YLPM1: variants seen among roughly 807,000 people sequenced by gnomAD.
YLPM1 encodes the protein YLP motif-containing protein 1.
A neutral mutation model predicts 230.0 loss-of-function variants in YLPM1; 99 were observed. The observed-to-expected ratio is 0.43, with a 90% CI of 0.37 to 0.51. YLPM1 has a LOEUF of 0.51. Among genes scored for constraint, YLPM1 ranks in the 20% least tolerant of loss-of-function variants. The pLI, the probability that YLPM1 is intolerant of heterozygous loss-of-function variation, is 0.00. For missense variants in YLPM1, 2,592 were observed against 2,707.7 expected, an observed-to-expected ratio of 0.96 and a Z score of 0.95; for synonymous variants, 984 against 942.5, an observed-to-expected ratio of 1.04 and a Z score of -0.81.
chr14:74,802,501 C>T (rs938565819), intron 5 of YLPM1, 55 bp from the exon 6 acceptor site: 1 of 1,541,528 alleles, frequency 6.5e-7, no homozygotes, highest in African/African-American at 1.4e-5. Context: ...ATTGTAGTCA[C>T]TTAGGAATGG....
In YLPM1 at chr14:74,802,664, T is replaced by A. The variant is rs1224016272; in HGVS notation, c.4509T>A (p.Pro1503=). The A allele has an allele frequency of 6.2e-7, 1 of 1,609,940 alleles. No homozygotes were observed. The highest frequency in any genetic ancestry group is 8.5e-7 in the Non-Finnish European group (1 of 1,178,080). ...ESRLQNTSSR[P]GMYPPPGSYR... ...GATTGCAGAATACATCTTCAAGACC[T>A]GGAATGTATCCGGTATGGGAGAATG... is the stretch of plus-strand genomic sequence containing the variant. The change falls in exon 6 of 21, where the codon CCT becomes CCA. Residue 1503 remains proline, a synonymous_variant. Coordinates refer to ENST00000325680, the MANE Select transcript of YLPM1 (RefSeq NM_019589.3).
rs139190790 is a variant in YLPM1, at chr14:74,768,785, A to T, written c.873+4423A>T. Reference sequence around the variant, plus strand: ...GACTTCTTGTTTCAGTTGTGGGGGAAGGGAGAAGACATTTAGTAAGTAATT... The same window carrying T: ...GACTTCTTGTTTCAGTTGTGGGGGATGGGAGAAGACATTTAGTAAGTAATT... On this transcript the variant is annotated intron_variant, in intron 1 of 20. Transcript: ENST00000325680. Among the ~76,000 whole-genome samples the T allele has an allele frequency of 1.2e-3, 184 of 152,304 alleles. 1 individual carries two copies. The highest frequency in any genetic ancestry group is 4.4e-3 in the African/African-American group (182 of 41,564).
intron 1 of YLPM1, among the ~76,000 whole-genome samples, chr14:74,770,299 G>T (rs945704179): frequency 5.9e-5 from 9 of 151,400 alleles, no homozygotes; most frequent in African/African-American, 2.2e-4. Context: ...CTGCACTCTA[G>T]CCTGGGCAAC....
At chr14:74,824,016 A>G (rs2091543884) in intron 17 of YLPM1, 4 of 429,366 alleles carry the variant, frequency 9.3e-6, no homozygotes, top group Admixed American at 4.1e-5. Context: ...AGCTGCCTCA[A>G]AGCGCCTTCA....
intron 6 of YLPM1, among the ~76,000 whole-genome samples, chr14:74,804,924 T>C (rs897810738): frequency 1.4e-4 from 22 of 152,182 alleles, no homozygotes; most frequent in African/African-American, 5.3e-4. Context: ...TCAATTTCTG[T>C]TGGAATTTGT....
intron 6 of YLPM1, among the ~76,000 whole-genome samples, chr14:74,805,408 A>G (rs917715243): frequency 2.6e-5 from 4 of 151,844 alleles, no homozygotes; most frequent in African/African-American, 9.7e-5. Context: ...CAGTGGTACA[A>G]TCATAGCTCA....
chr14:74,780,307 C>T, intron 2 of YLPM1, 98 bp from the exon 3 acceptor site: 2 of 1,419,544 alleles, frequency 1.4e-6, no homozygotes, highest in South Asian at 1.5e-5. Context: ...TTGGATATTT[C>T]TGAGTTGTAG....
chr14:74,798,902 A>C lies in YLPM1; in HGVS notation c.3605A>C (p.Glu1202Ala). The change falls in exon 5 of 21, where the codon GAA (glutamate) becomes GCA (alanine). Residue 1202 changes from glutamate to alanine, a missense_variant. This residue lies in a region of YLPM1 where 1,862 missense variants were observed against 1,819.8 expected (regional missense o/e 1.02). Coordinates refer to ENST00000325680, the MANE Select transcript of YLPM1 (RefSeq NM_019589.3). Reference protein sequence around the residue: ...PWNHGEERGHEEFPLDGRNAP... With the variant: ...PWNHGEERGHAEFPLDGRNAP... ...AACCATGGAGAAGAGCGAGGGCATGAAGAGTTTCCATTAGATGGTAGAAAT... is the reference window on the plus strand; with the variant it reads ...AACCATGGAGAAGAGCGAGGGCATGCAGAGTTTCCATTAGATGGTAGAAAT... 2 of 1,613,946 alleles carry C rather than the reference A, an allele frequency of 1.2e-6. No homozygotes were observed. Among genetic ancestry groups the C allele is most frequent in the Non-Finnish European group, 8.5e-7 (1 of 1,179,864 alleles).
At chr14:74,821,345 T>G (rs1354726880) in intron 17 of YLPM1, 1 of 640,990 alleles carries the variant, frequency 1.6e-6, no homozygotes, top group Non-Finnish European at 2.4e-6. Context: ...GAGAAAGTTT[T>G]AACAGAGTGC....
rs2091642787 is a variant in YLPM1, at chr14:74,836,194, G to A, written c.*456G>A. ...GAGATTCATGGGCTATACAGCATGG[G>A]CCCTTTTCTCTTGTTTTCTTAATTT... On this transcript the variant is annotated 3_prime_UTR_variant, in exon 21 of 21. Coordinates refer to ENST00000325680, the MANE Select transcript of YLPM1 (RefSeq NM_019589.3). 2 of 156,858 alleles carry A rather than the reference G, an allele frequency of 1.3e-5. No individual in the cohort carries two copies. Among genetic ancestry groups the A allele is most frequent in the African/African-American group, 4.8e-5 (2 of 41,430 alleles). The allele number at this position is 156,858 out of a possible 1,614,324, so 9.7% of individuals were successfully genotyped here. A position where few individuals can be genotyped will look rare whatever the true frequency, so the allele number is the denominator to read the frequency against.
chr14:74,775,864 C>G (rs566443562), intron 1 of YLPM1, among the ~76,000 whole-genome samples: 114 of 152,184 alleles, frequency 7.5e-4, no homozygotes, highest in South Asian at 1.7e-3. Context: ...ATAGTTTTTA[C>G]TGTAAAGTAC....
intron 20 of YLPM1, 110 bp downstream of exon 20, chr14:74,835,557 T>C (rs778094946): frequency 3.1e-4 from 305 of 968,600 alleles, no homozygotes; most frequent in Non-Finnish European, 4.3e-4. Context: ...TGTTATTTTA[T>C]AGTTCTGAAA....
intron 2 of YLPM1, among the ~76,000 whole-genome samples, 169 bp from the exon 3 acceptor site, chr14:74,780,236 T>C (rs923536677): frequency 2.0e-5 from 3 of 152,230 alleles, no homozygotes; most frequent in Admixed American, 2.0e-4. Context: ...CTATGTGTTT[T>C]ATCTAAAGAT....
At chr14:74,788,341 C>T (rs918301530) in intron 4 of YLPM1, among the ~76,000 whole-genome samples, 4 of 152,094 alleles carry the variant, frequency 2.6e-5, no homozygotes, top group East Asian at 1.9e-4. Context: ...AGGATGGTCT[C>T]GATCTCCTGG....
At position 74,781,593 on chromosome 14, in the gene YLPM1, C is replaced by T; in HGVS notation, c.1550C>T (p.Pro517Leu). 1 of 1,613,902 alleles carries T rather than the reference C, an allele frequency of 6.2e-7. No individual in the cohort carries two copies. Among genetic ancestry groups the T allele is most frequent in the Non-Finnish European group, 8.5e-7 (1 of 1,179,886 alleles). Reference protein sequence around the residue: ...KNQYMGNMSMPPPFVPYSQMP... With the variant: ...KNQYMGNMSMLPPFVPYSQMP... The stretch of plus-strand genomic sequence containing the variant: ...CAGTATATGGGGAACATGTCAATGC[C>T]ACCTCCTTTTGTTCCATATTCTCAG... The change falls in exon 4 of 21, where the codon CCA (proline) becomes CTA (leucine). Residue 517 changes from proline (P) to leucine (L), a missense_variant. Pro to Leu is a moderately conservative substitution (Grantham distance 98). Transcript: ENST00000325680.
chr14:74,766,041 T>C (rs956162648), intron 1 of YLPM1, among the ~76,000 whole-genome samples: 1 of 152,192 alleles, frequency 6.6e-6, no homozygotes, highest in African/African-American at 2.4e-5. Flanking sequence ...ATATCAAGGT[T>C]TCCATGAAGC....
At chr14:74,805,414 G>A (rs909035409) in intron 6 of YLPM1, among the ~76,000 whole-genome samples, 1 of 151,750 alleles carries the variant, frequency 6.6e-6, no homozygotes, top group African/African-American at 2.4e-5. Flanking sequence ...TACAATCATA[G>A]CTCACTGGAG....
intron 2 of YLPM1, among the ~76,000 whole-genome samples, chr14:74,778,998 G>C (rs1189257121): frequency 6.6e-6 from 1 of 152,030 alleles, no homozygotes; most frequent in East Asian, 1.9e-4. Flanking sequence ...GCACCACCAT[G>C]ACCGGCTAAT....
At position 74,812,706 on chromosome 14, in the gene YLPM1, G is replaced by A. The variant is rs768329571; in HGVS notation, c.5426G>A (p.Arg1809Gln). ...AGCCACCAGCCTCCTCCAGCTCCAC[G>A]AGTCGAGAAGAAGCCTGAATCAAAG... is the stretch of plus-strand genomic sequence containing the variant. ...SLSHQPPPAP[R>Q]VEKKPESKNV... The change falls in exon 11 of 21, where the codon CGA becomes CAA. Residue 1809 changes from arginine (R) to glutamine (Q), a missense_variant. Arg to Gln is a conservative substitution (Grantham distance 43). Around this residue, in one of 4 missense-constraint regions of YLPM1, gnomAD observed 315 missense variants for 429.3 expected, o/e 0.73. Coordinates refer to ENST00000325680, the MANE Select transcript of YLPM1 (RefSeq NM_019589.3). 10 of 1,613,282 alleles carry A rather than the reference G, an allele frequency of 6.2e-6. No homozygotes were observed. The highest frequency in any genetic ancestry group is 1.3e-5 in the African/African-American group (1 of 74,900).
Sources: gnomAD v4.1 joint callset for allele counts (sites outside exome capture counted in the v4.1 genomes callset) on GRCh38, gnomAD v4.1.1 for gene constraint, gnomAD v4.1.1 regional missense constraint, MANE v1.5 for transcripts, NCBI Gene and HGNC (gene_info 2026-07-23, HGNC 2026-07-21) for gene names.